The following HSDL1 variants were observed in gnomAD, a reference collection of about 807,000 sequenced individuals.
HSDL1 encodes the protein hydroxysteroid dehydrogenase like 1.
Under a neutral mutation model 31.5 loss-of-function variants are expected in HSDL1, and 29 were observed. The ratio of observed to expected loss-of-function variants is 0.92; its 90% CI spans 0.69 to 1.26. The LOEUF is 1.26. Ranked by LOEUF, HSDL1 falls within the 50% of genes most tolerant of loss-of-function variation. HSDL1 has a pLI of 0.00. For missense variants in HSDL1, 503 were observed against 416.6 expected, an observed-to-expected ratio of 1.21 and a Z score of -1.81; for synonymous variants, 222 against 155.2, an observed-to-expected ratio of 1.43 and a Z score of -3.20.
At chr16:84,140,408 G>A (rs2086755595) in intron 1 of HSDL1, among the ~76,000 whole-genome samples, 1 of 152,006 alleles carries the variant, frequency 6.6e-6, no homozygotes, top group Non-Finnish European at 1.5e-5. Flanking sequence ...GGGACTACAG[G>A]TGCCCTCCAC....
chr16:84,130,833 C>T (rs1023706688), intron 3 of HSDL1: 3 of 420,826 alleles, frequency 7.1e-6, no homozygotes, highest in African/African-American at 4.0e-5. Context: ...AAACAGAGAA[C>T]AAAAAGGAAA....
At chr16:84,138,167 C>A (rs2086730382) in intron 1 of HSDL1, among the ~76,000 whole-genome samples, 1 of 152,222 alleles carries the variant, frequency 6.6e-6, no homozygotes, top group Non-Finnish European at 1.5e-5. Context: ...TCAAAACCAA[C>A]TAAGGCAGCC....
chr16:84,134,996 G>A (rs2086699501), intron 2 of HSDL1, among the ~76,000 whole-genome samples: 1 of 152,212 alleles, frequency 6.6e-6, no homozygotes, highest in South Asian at 2.1e-4. Context: ...CACTTTGGGA[G>A]GCCGAGACGG....
At chr16:84,139,868 C>T (rs2086748723) in intron 1 of HSDL1, among the ~76,000 whole-genome samples, 1 of 151,222 alleles carries the variant, frequency 6.6e-6, no homozygotes, top group Non-Finnish European at 1.5e-5. Flanking sequence ...GGCTCCAGGG[C>T]GATGGCTGTT....
chr16:84,131,348 A>C (rs1209594406), intron 2 of HSDL1, 21 bp from the exon 3 acceptor site: 4 of 1,507,034 alleles, frequency 2.7e-6, no homozygotes, highest in Non-Finnish European at 3.7e-6. Flanking sequence ...AGGGAAAGAG[A>C]GAGAGCCTCT....
At chr16:84,141,341 C>A (rs1421893912) in intron 1 of HSDL1, among the ~76,000 whole-genome samples, 1 of 152,096 alleles carries the variant, frequency 6.6e-6, no homozygotes. Context: ...GGTCCCCCTG[C>A]TGCTGGTTCA....
At chr16:84,128,255 C>G (rs2086628458) in intron 5 of HSDL1, among the ~76,000 whole-genome samples, 1 of 151,470 alleles carries the variant, frequency 6.6e-6, no homozygotes, top group African/African-American at 2.4e-5. Flanking sequence ...CACCATTACA[C>G]TCCAGCCTGG....
chr16:84,140,154 G>A (rs1445059193), intron 1 of HSDL1, among the ~76,000 whole-genome samples: 1 of 152,066 alleles, frequency 6.6e-6, no homozygotes, highest in African/African-American at 2.4e-5. Context: ...ACACTGCTTT[G>A]GATTCTATTT....
At chr16:84,136,868 T>G (rs2151190318) in intron 1 of HSDL1, among the ~76,000 whole-genome samples, 1 of 152,332 alleles carries the variant, frequency 6.6e-6, no homozygotes, top group South Asian at 2.1e-4. Flanking sequence ...ACCCAAGTTC[T>G]TCATTCCTTA....
intron 1 of HSDL1, among the ~76,000 whole-genome samples, chr16:84,140,832 G>A (rs13332601): frequency 0.058 from 8,752 of 151,822 alleles, 814 homozygotes; most frequent in African/African-American, 0.2. Flanking sequence ...GGCCGGGCGC[G>A]GTGGCTCACG....
intron 1 of HSDL1, among the ~76,000 whole-genome samples, 200 bp from the exon 2 acceptor site, chr16:84,135,805 G>A (rs767418628): frequency 2.6e-5 from 4 of 152,226 alleles, no homozygotes; most frequent in Admixed American, 1.3e-4. Context: ...AGCGCCTGGC[G>A]TCTGCTGGGG....
At chr16:84,133,962 C>T (rs915796303) in intron 2 of HSDL1, among the ~76,000 whole-genome samples, 21 of 152,262 alleles carry the variant, frequency 1.4e-4, no homozygotes, top group African/African-American at 4.6e-4. Context: ...TCTTTATGAA[C>T]CAGATTGGCT....
At chr16:84,136,865 T>A (rs943574336) in intron 1 of HSDL1, among the ~76,000 whole-genome samples, 2 of 152,178 alleles carry the variant, frequency 1.3e-5, no homozygotes, top group African/African-American at 4.8e-5. Flanking sequence ...GAAACCCAAG[T>A]TCTTCATTCC....
intron 2 of HSDL1, among the ~76,000 whole-genome samples, chr16:84,135,267 A>G (rs901081682): frequency 5.9e-5 from 9 of 152,134 alleles, no homozygotes; most frequent in African/African-American, 1.9e-4. Flanking sequence ...AAAGAAAGAA[A>G]AAACAGATAC....
rs553224060 is a variant in HSDL1 at position 84,141,090 on chromosome 16, C to CAAAAAAAAAAAAAAAAAA, written c.-69+3989_-69+3990insTTTTTTTTTTTTTTTTTT. 1.1e-3 allele frequency among the ~76,000 whole-genome samples: 150 copies of CAAAAAAAAAAAAAAAAAA among 135,958 alleles called. 5 individuals are homozygous for CAAAAAAAAAAAAAAAAAA. The highest frequency in any genetic ancestry group is 5.2e-3 in the African/African-American group (143 of 27,324). 89.2% of individuals were successfully genotyped at this position (135,958 alleles called of 152,430 possible). A position where few individuals can be genotyped will look rare whatever the true frequency, so the allele number is the denominator to read the frequency against. On this transcript the variant is annotated intron_variant, in intron 1 of 5. Coordinates refer to ENST00000219439, the MANE Select transcript of HSDL1 (RefSeq NM_031463.5). ...TGGGCGACAGAACGAGACTCCGTCT[C>CAAAAAAAAAAAAAAAAAA]AAACAAAAAAAAAAACAGTATTGCT...
chr16:84,144,049 C>T (rs1390454112), intron 1 of HSDL1, among the ~76,000 whole-genome samples: 4 of 146,916 alleles, frequency 2.7e-5, no homozygotes, highest in South Asian at 2.2e-4. Flanking sequence ...TCCCCCTCCC[C>T]CTCCCTCTCC....
At position 84,130,260 on chromosome 16, in the gene HSDL1, T is replaced by A; in HGVS notation, c.392A>T (p.Glu131Val). Residue 131 changes from glutamate (E) to valine (V), a missense_variant, in exon 4 of 6, where the codon GAG becomes GTG. Transcript: ENST00000219439. The part of the protein sequence containing the change: ...IIVADFSSGR[E>V]IYLPIREALK... The stretch of plus-strand genomic sequence containing the variant: ...GGCTTCTCGAATTGGAAGGTAGATC[T>A]CACGACCGCTGCTGAAGTCCGCAAC... The A allele has an allele frequency of 6.2e-7, 1 of 1,614,214 alleles. No individual in the cohort carries two copies. Among genetic ancestry groups the A allele is most frequent in the Non-Finnish European group, 8.5e-7 (1 of 1,180,044 alleles).
rs1332334897 is a variant in HSDL1, at chr16:84,130,438, T to C, written c.221-7A>G. On this transcript the variant is annotated splice_polypyrimidine_tract_variant and splice_region_variant and intron_variant, in intron 3 of 5. Coordinates refer to ENST00000219439, the MANE Select transcript of HSDL1 (RefSeq NM_031463.5). ...CCAATCCCATCTGTTGCACCTAGGA[T>C]GCAAGTCAGGAAAAGTGAGCATGTG... is the stretch of plus-strand genomic sequence containing the variant. The C allele has an allele frequency of 3.8e-6, 6 of 1,596,992 alleles. No homozygotes were observed. The highest frequency in any genetic ancestry group is 1.7e-5 in the Admixed American group (1 of 58,358).
chr16:84,130,154 G>A lies in HSDL1; in HGVS notation c.498C>T (p.Ser166=), dbSNP rs758933678. 1.5e-5 allele frequency: 25 copies of A among 1,613,988 alleles called. No individual in the cohort carries two copies. In the South Asian group the frequency reaches 2.0e-4, roughly 13 times the overall value. ...TTATGATGTCCCAGAGCTTGTCCTC[G>A]GACAGCTGAGTGAAATACTGCGGGT... ...YPYPQYFTQL[S]EDKLWDIINV... is the part of the protein sequence containing the mutation. Residue 166 remains serine, a synonymous_variant, in exon 4 of 6, where the codon TCC becomes TCT. Coordinates refer to ENST00000219439, the MANE Select transcript of HSDL1 (RefSeq NM_031463.5).
Sources: allele counts gnomAD v4.1 joint callset (sites outside exome capture counted in the v4.1 genomes callset), GRCh38; gene constraint gnomAD v4.1.1; transcripts MANE v1.5; gene names NCBI Gene and HGNC (gene_info 2026-07-23, HGNC 2026-07-21).